KALRN: variants seen among roughly 807,000 people sequenced by gnomAD.
KALRN encodes the protein kalirin.
In KALRN, 70 loss-of-function variants were observed where a neutral mutation model predicts 353.7. The observed-to-expected ratio is 0.20, with a 90% CI of 0.16 to 0.24. The LOEUF (loss-of-function observed/expected upper bound fraction) is 0.24. Among genes scored for constraint, KALRN ranks in the 10% least tolerant of loss-of-function variants. The pLI is 1.00. For synonymous variants in KALRN, 1,391 were observed against 1,434.8 expected, an observed-to-expected ratio of 0.97 and a Z score of 0.69; for missense variants, 2,791 against 3,756.7, an observed-to-expected ratio of 0.74 and a Z score of 6.72.
At chr3:124,076,003 C>T (rs1269049065) in intron 1 of KALRN, among the ~76,000 whole-genome samples, 1 of 152,216 alleles carries the variant, frequency 6.6e-6, no homozygotes, top group African/African-American at 2.4e-5. Context: ...GGCCTATGTG[C>T]AGGCTTCCTT....
chr3:124,165,381 C>T (rs559711708), intron 1 of KALRN, among the ~76,000 whole-genome samples: 2 of 152,142 alleles, frequency 1.3e-5, no homozygotes, highest in Non-Finnish European at 2.9e-5. Flanking sequence ...ATGTTTTTAT[C>T]TAATTTGTCT....
intron 5 of KALRN, among the ~76,000 whole-genome samples, chr3:124,272,414 T>A (rs1278115310): frequency 6.6e-6 from 1 of 152,168 alleles, no homozygotes; most frequent in Non-Finnish European, 1.5e-5. Context: ...ATGCTATATT[T>A]CAGTTAGAGG....
Position 124,670,831 on chromosome 3 carries a change from TCTC to T in KALRN, c.6704-826_6704-824del, listed in dbSNP as rs563133657. ...ACTCAATAAAACAAAGCTCCAGTCT[TCTC>T]CTTCACATCAGCTTATTCTCCTGTC... On this transcript the variant is annotated intron_variant, in intron 47 of 59. Transcript: ENST00000682506. 2.7e-3 allele frequency among the ~76,000 whole-genome samples: 408 copies of T among 152,268 alleles called. 1 individual carries two copies. Among genetic ancestry groups the T allele is most frequent in the African/African-American group, 9.3e-3 (388 of 41,552 alleles).
intron 6 of KALRN, among the ~76,000 whole-genome samples, chr3:124,321,527 TC>T (rs1218343260): frequency 6.6e-6 from 1 of 152,224 alleles, no homozygotes; most frequent in East Asian, 1.9e-4. Context: ...AAAACTTTGA[TC>T]AAGATTCTGC....
At chr3:124,218,111 A>G (rs189064017) in intron 1 of KALRN, among the ~76,000 whole-genome samples, 36 of 152,260 alleles carry the variant, frequency 2.4e-4, no homozygotes, top group African/African-American at 8.2e-4. Flanking sequence ...ACTGCCACCC[A>G]TATGGGGGTT....
intron 1 of KALRN, among the ~76,000 whole-genome samples, chr3:124,224,477 T>C (rs1649522496): frequency 6.6e-6 from 1 of 152,218 alleles, no homozygotes; most frequent in South Asian, 2.1e-4. Flanking sequence ...ATGAGGCCTG[T>C]AGACCACAGG....
chr3:124,051,042 G>T (rs933026550), intron 1 of KALRN, among the ~76,000 whole-genome samples: 1 of 152,140 alleles, frequency 6.6e-6, no homozygotes, highest in Non-Finnish European at 1.5e-5. Flanking sequence ...GGGGAAGAAA[G>T]GTTTAGAAAT....
chr3:124,563,097 A>G lies in KALRN; in HGVS notation c.5182+8A>G. 1.5e-6 allele frequency: 2 copies of G among 1,366,542 alleles called. No individual in the cohort carries two copies. Among genetic ancestry groups the G allele is most frequent in the Non-Finnish European group, 2.0e-6 (2 of 1,021,394 alleles). The allele number at this position is 1,366,542 out of a possible 1,614,324, so 84.7% of individuals were successfully genotyped here. A position where few individuals can be genotyped will look rare whatever the true frequency, so the allele number is the denominator to read the frequency against. On this transcript the variant is annotated splice_region_variant and intron_variant, in intron 34 of 59. Coordinates refer to ENST00000682506, the MANE Select transcript of KALRN (RefSeq NM_001388419.1). ...TCTTCCCCTTGGTGAAAGGTAGGAG[A>G]ACAGAGCGGGTGGGAGGCACAGACC...
At chr3:124,289,701 A>C (rs913075958) in intron 5 of KALRN, among the ~76,000 whole-genome samples, 11 of 152,214 alleles carry the variant, frequency 7.2e-5, no homozygotes, top group African/African-American at 2.4e-4. Context: ...AGTCCAATTT[A>C]TCTTCATCAC....
chr3:124,694,644 C>T, intron 53 of KALRN, 141 bp downstream of exon 53: 1 of 784,784 alleles, frequency 1.3e-6, no homozygotes, highest in Non-Finnish European at 2.0e-6. Flanking sequence ...CTTGGGCAAA[C>T]ACTTGGACTT....
Position 124,666,641 on chromosome 3 carries a change from A to T in KALRN, c.6531+7A>T. On this transcript the variant is annotated splice_region_variant and intron_variant, in intron 46 of 59. Coordinates refer to ENST00000682506, the MANE Select transcript of KALRN (RefSeq NM_001388419.1). The stretch of plus-strand genomic sequence containing the variant: ...GTTCAAAAGGAGCATCAAGGTGAGG[A>T]TCCCAATGGTGATGAGAAGAGGCAA... 6.2e-7 allele frequency: 1 copy of T among 1,612,524 alleles called. No individual in the cohort carries two copies. The highest frequency in any genetic ancestry group is 8.5e-7 in the Non-Finnish European group (1 of 1,178,756).
chr3:124,488,594 G>T, intron 29 of KALRN: 1 of 340,776 alleles, frequency 2.9e-6, no homozygotes, highest in Non-Finnish European at 5.4e-6. Context: ...CACCCTCACT[G>T]TTGATGTGCT....
chr3:124,476,366 GGAT>G (rs936261087), intron 26 of KALRN, among the ~76,000 whole-genome samples: 1 of 151,186 alleles, frequency 6.6e-6, no homozygotes, highest in African/African-American at 2.4e-5. Flanking sequence ...TGCAAACTGG[GGAT>G]GATAACAGAA....
chr3:124,033,624 C>A lies in KALRN; in HGVS notation c.-117C>A, dbSNP rs2039094378. ...ACGCCCGCCCTCGAAGCTCCGCGGC[C>A]GCCAGCTCTGCGGCCGCAGCAGCTG... is the stretch of plus-strand genomic sequence containing the variant. On this transcript the variant is annotated 5_prime_UTR_variant, in exon 1 of 60. Transcript: ENST00000682506. This position sits in a 1 kb window ranked among gnomAD's most constrained non-coding sequence, Gnocchi z 6.2. Among the ~76,000 whole-genome samples the A allele has an allele frequency of 6.6e-6, 1 of 151,524 alleles. No individual in the cohort carries two copies. Among genetic ancestry groups the A allele is most frequent in the Non-Finnish European group, 1.5e-5 (1 of 67,826 alleles).
chr3:124,218,891 C>T (rs1364759784), intron 1 of KALRN, among the ~76,000 whole-genome samples: 1 of 152,198 alleles, frequency 6.6e-6, no homozygotes, highest in East Asian at 1.9e-4. Flanking sequence ...GCTAATTTAG[C>T]AGTAGAAAGT....
chr3:124,489,168 G>T (rs184530417), intron 29 of KALRN, among the ~76,000 whole-genome samples: 7 of 152,252 alleles, frequency 4.6e-5, no homozygotes, highest in Admixed American at 4.6e-4. Context: ...TTAGCCAGGG[G>T]TGGTGGTGCA....
intron 1 of KALRN, among the ~76,000 whole-genome samples, chr3:124,042,785 A>G (rs1312441371): frequency 6.6e-6 from 1 of 152,110 alleles, no homozygotes; most frequent in African/African-American, 2.4e-5. Context: ...TAGCTAAGGG[A>G]CGTGTGGATT....
intron 14 of KALRN, among the ~76,000 whole-genome samples, chr3:124,418,986 C>T (rs960600886): frequency 1.3e-5 from 2 of 151,430 alleles, no homozygotes; most frequent in African/African-American, 2.4e-5. Context: ...GCAGGAGAAT[C>T]GCTTGAACCC....
chr3:124,719,481 G>T lies in KALRN; in HGVS notation c.*11G>T. Reference sequence around the variant, plus strand: ...AACCAAGGGACGTAGCCATCTCCCAGCCCCTATGGTTTCACATAGACGTGC... The same window carrying T: ...AACCAAGGGACGTAGCCATCTCCCATCCCCTATGGTTTCACATAGACGTGC... On this transcript the variant is annotated 3_prime_UTR_variant, in exon 60 of 60. Coordinates refer to ENST00000682506, the MANE Select transcript of KALRN (RefSeq NM_001388419.1). The surrounding 1 kb of genome is among the most constrained non-coding windows in gnomAD (Gnocchi z 5.3). The T allele has an allele frequency of 6.2e-7, 1 of 1,606,394 alleles. No individual in the cohort carries two copies. Among genetic ancestry groups the T allele is most frequent in the Non-Finnish European group, 8.5e-7 (1 of 1,175,088 alleles).
Sources: allele counts gnomAD v4.1 joint callset (sites outside exome capture counted in the v4.1 genomes callset), GRCh38; gene constraint gnomAD v4.1.1; non-coding constraint Gnocchi (gnomAD v3.1); transcripts MANE v1.5; gene names NCBI Gene and HGNC (gene_info 2026-07-23, HGNC 2026-07-21).